HACD3: variants seen among roughly 807,000 people sequenced by gnomAD.
HACD3 encodes the protein 3-hydroxyacyl-CoA dehydratase 3.
HACD3 carries 30 observed loss-of-function variants against 55.2 expected under a neutral mutation model. That is an observed-to-expected ratio of 0.54 (90% confidence interval 0.41 to 0.74). HACD3 has a LOEUF of 0.74. Ranked by LOEUF, HACD3 falls within the 30% of genes least tolerant of loss-of-function variation. The probability of loss-of-function intolerance (pLI) is 0.00; values close to 1 mark genes in which losing one functional copy is unlikely to be tolerated. For missense variants in HACD3, 363 were observed against 440.1 expected, an observed-to-expected ratio of 0.82 and a Z score of 1.57; for synonymous variants, 141 against 151.7, an observed-to-expected ratio of 0.93 and a Z score of 0.52.
At chr15:65,533,867 C>T (rs1330607708) in intron 1 of HACD3, among the ~76,000 whole-genome samples, 1 of 151,484 alleles carries the variant, frequency 6.6e-6, no homozygotes, top group African/African-American at 2.4e-5. Flanking sequence ...CTGGCTAACA[C>T]GGTGAAACCT....
chr15:65,530,612 G>A lies in HACD3; in HGVS notation c.-20G>A, dbSNP rs1406599165. 6.4e-6 allele frequency: 10 copies of A among 1,559,162 alleles called. No homozygotes were observed. Among genetic ancestry groups the A allele is most frequent in the Non-Finnish European group, 7.8e-6 (9 of 1,152,752 alleles). On this transcript the variant is annotated 5_prime_UTR_variant, in exon 1 of 11. Coordinates refer to ENST00000261875, the MANE Select transcript of HACD3 (RefSeq NM_016395.4). The stretch of plus-strand genomic sequence containing the variant: ...GAGGCGCAGCGAGCCTAGCCTCCCC[G>A]CGCCCTGGGCAGTGTGGCCATGGAG...
rs974811086 is a variant in HACD3, at chr15:65,530,547, T to G, written c.-85T>G. The G allele has an allele frequency of 7.7e-7, 1 of 1,304,016 alleles. No homozygotes were observed. The highest frequency in any genetic ancestry group is 1.5e-5 in the African/African-American group (1 of 65,474). The allele number at this position is 1,304,016 out of a possible 1,614,324, so 80.8% of individuals were successfully genotyped here. On this transcript the variant is annotated 5_prime_UTR_variant, in exon 1 of 11. Coordinates refer to ENST00000261875, the MANE Select transcript of HACD3 (RefSeq NM_016395.4). ...CTCAGGAGCGCTAGGGTTTGAGGCCTGCTTTCTGCTCGCGCCAGCAGAGCA... is the reference window on the plus strand; with the variant it reads ...CTCAGGAGCGCTAGGGTTTGAGGCCGGCTTTCTGCTCGCGCCAGCAGAGCA...
intron 2 of HACD3, among the ~76,000 whole-genome samples, chr15:65,552,291 C>CTT (rs112188716): frequency 6.6e-6 from 1 of 151,742 alleles, no homozygotes; most frequent in Non-Finnish European, 1.5e-5. Context: ...GAATATGCTG[C>CTT]TTTTTTTAAA....
intron 1 of HACD3, among the ~76,000 whole-genome samples, chr15:65,532,776 G>A (rs559516562): frequency 1.1e-4 from 17 of 152,098 alleles, no homozygotes; most frequent in South Asian, 2.1e-4. Flanking sequence ...TAGTTTAAAA[G>A]CATGATGTTA....
chr15:65,560,801 CAAAA>C (rs11304800), intron 5 of HACD3, among the ~76,000 whole-genome samples: 9 of 108,776 alleles, frequency 8.3e-5, no homozygotes, highest in Non-Finnish European at 8.1e-5. Context: ...GACCCTATCT[CAAAA>C]AAAAAAAAAA....
rs187180734 is a variant in HACD3, at chr15:65,576,150, T to C, written c.1013-153T>C. On this transcript the variant is annotated intron_variant, in intron 10 of 10. Transcript: ENST00000261875. ...AATTGCTTTGTGTCTATTGTATTGT[T>C]AATTTGTTCTAAATTGTACTCCTTC... Among the ~76,000 whole-genome samples, 856 of 152,352 alleles carry C rather than the reference T, an allele frequency of 5.6e-3. 9 individuals are homozygous for C. Among genetic ancestry groups the C allele is most frequent in the African/African-American group, 0.02 (818 of 41,588 alleles).
rs189830428 is a variant in HACD3 at position 65,568,785 on chromosome 15, T to C, written c.661-1306T>C. Among the ~76,000 whole-genome samples the C allele has an allele frequency of 3.5e-3, 540 of 152,334 alleles. 3 individuals carry two copies. Among genetic ancestry groups the C allele is most frequent in the Middle Eastern group, 0.014 (4 of 294 alleles). ...AAAAAATCAAGACAGTATAAAGATT[T>C]AGTAGCTAATACCACGTTGTATGGT... On this transcript the variant is annotated intron_variant, in intron 7 of 10. Transcript: ENST00000261875.
intron 1 of HACD3, among the ~76,000 whole-genome samples, chr15:65,532,029 C>G (rs962328128): frequency 4.6e-5 from 7 of 152,012 alleles, no homozygotes; most frequent in African/African-American, 1.7e-4. Flanking sequence ...TGAGTGTCGA[C>G]TTGAATTTAT....
intron 7 of HACD3, chr15:65,566,742 G>C (rs927272683): frequency 6.6e-6 from 1 of 152,142 alleles, no homozygotes; most frequent in Non-Finnish European, 1.5e-5. Flanking sequence ...TATTTGTACA[G>C]GAATAGCATT....
chr15:65,533,941 A>G (rs915376911), intron 1 of HACD3, among the ~76,000 whole-genome samples: 1 of 151,816 alleles, frequency 6.6e-6, no homozygotes, highest in East Asian at 1.9e-4. Flanking sequence ...AGTCCCAGCT[A>G]CCAGGAGGCT....
chr15:65,569,013 C>G (rs972981286), intron 7 of HACD3, among the ~76,000 whole-genome samples: 1 of 149,322 alleles, frequency 6.7e-6, no homozygotes, highest in Non-Finnish European at 1.5e-5. Context: ...TTTGGGAGGC[C>G]GAGGCGGGTG....
At chr15:65,538,837 C>G (rs1041100289) in intron 1 of HACD3, among the ~76,000 whole-genome samples, 1 of 152,186 alleles carries the variant, frequency 6.6e-6, no homozygotes, top group East Asian at 1.9e-4. Context: ...CCACAGCCAT[C>G]AACATTGAGG....
At position 65,561,207 on chromosome 15, in the gene HACD3, C is replaced by T. The variant is rs182755768; in HGVS notation, c.422-1567C>T. Among the ~76,000 whole-genome samples, 277 of 152,254 alleles carry T rather than the reference C, an allele frequency of 1.8e-3. 3 individuals carry two copies. The highest frequency in any genetic ancestry group is 0.012 in the Admixed American group (182 of 15,300). On this transcript the variant is annotated intron_variant, in intron 5 of 10. Transcript: ENST00000261875. ...GAGGGCCAGGCACGGTGGCTCATGC[C>T]TGTAATCCCAGCACTTTGGGAGGCC...
chr15:65,562,457 TATA>T (rs1308661583), intron 5 of HACD3, among the ~76,000 whole-genome samples: 1 of 152,234 alleles, frequency 6.6e-6, no homozygotes, highest in African/African-American at 2.4e-5. Flanking sequence ...CGAAAACCTA[TATA>T]TACATATACA....
chr15:65,557,610 G>A (rs1285694743), intron 4 of HACD3, among the ~76,000 whole-genome samples: 2 of 152,152 alleles, frequency 1.3e-5, no homozygotes, highest in Admixed American at 1.3e-4. Context: ...TTGGAAGGAA[G>A]TCACTATGTG....
At chr15:65,537,938 A>G (rs1443426929) in intron 1 of HACD3, among the ~76,000 whole-genome samples, 1 of 10,912 alleles carries the variant, frequency 9.2e-5, no homozygotes, top group Non-Finnish European at 2.1e-4. Context: ...TTCTCAGAAA[A>G]AAAAAAAAAA....
At position 65,571,660 on chromosome 15, in the gene HACD3, C is replaced by G; in HGVS notation, c.880+6C>G. On this transcript the variant is annotated splice_donor_region_variant and intron_variant, in intron 9 of 10. Coordinates refer to ENST00000261875, the MANE Select transcript of HACD3 (RefSeq NM_016395.4). ...ACTGGGATGTTTGGCGGAAGGTACTCTCAGGGACTCTTAGCTTTCATAGCT... is the reference window on the plus strand; with the variant it reads ...ACTGGGATGTTTGGCGGAAGGTACTGTCAGGGACTCTTAGCTTTCATAGCT... 1 of 1,600,546 alleles carries G rather than the reference C, an allele frequency of 6.2e-7. No individual in the cohort carries two copies. The highest frequency in any genetic ancestry group is 8.6e-7 in the Non-Finnish European group (1 of 1,167,890).
chr15:65,552,436 A>G (rs1567335052), intron 2 of HACD3, among the ~76,000 whole-genome samples: 1 of 152,138 alleles, frequency 6.6e-6, no homozygotes. Context: ...CCTGGGTTCA[A>G]GTGATTCTCG....
In HACD3 at chr15:65,576,454, G is replaced by A. The variant is rs910727825; in HGVS notation, c.*75G>A. On this transcript the variant is annotated 3_prime_UTR_variant, in exon 11 of 11. Coordinates refer to ENST00000261875, the MANE Select transcript of HACD3 (RefSeq NM_016395.4). ...TACAGTTTTACCTTCTTGAACCAATGTAAAAGTTTTTTTAATGTTAAATGA... is the reference window on the plus strand; with the variant it reads ...TACAGTTTTACCTTCTTGAACCAATATAAAAGTTTTTTTAATGTTAAATGA... The A allele has an allele frequency of 4.8e-6, 7 of 1,445,408 alleles. No individual in the cohort carries two copies. In the African/African-American group the frequency reaches 1.0e-4, roughly 21 times the overall value. The allele number at this position is 1,445,408 out of a possible 1,614,324, so 89.5% of individuals were successfully genotyped here. A position where few individuals can be genotyped will look rare whatever the true frequency, so the allele number is the denominator to read the frequency against.
Sources: allele counts gnomAD v4.1 joint callset (sites outside exome capture counted in the v4.1 genomes callset), GRCh38; gene constraint gnomAD v4.1.1; transcripts MANE v1.5; gene names NCBI Gene and HGNC (gene_info 2026-07-23, HGNC 2026-07-21).